RBM25: variants seen among roughly 807,000 people sequenced by gnomAD.
RBM25 encodes the protein RNA binding motif protein 25, also known as RNA-binding protein 25.
A neutral mutation model predicts 120.7 loss-of-function variants in RBM25; 19 were observed. The observed-to-expected ratio is 0.16, with a 90% CI of 0.11 to 0.23. The LOEUF (loss-of-function observed/expected upper bound fraction) is 0.23. Among genes scored for constraint, RBM25 ranks in the 10% least tolerant of loss-of-function variants. The pLI, the probability that RBM25 is intolerant of heterozygous loss-of-function variation, is 1.00. For synonymous variants in RBM25, 390 were observed against 326.7 expected (o/e 1.19, Z -2.09); for missense variants, 605 against 1,041.5 (o/e 0.58, Z 5.77).
chr14:73,062,788 A>C (rs997785461), intron 1 of RBM25, among the ~76,000 whole-genome samples: 2 of 151,256 alleles, frequency 1.3e-5, no homozygotes, highest in Non-Finnish European at 3.0e-5. Flanking sequence ...CCACCGCTAC[A>C]CTAGAGGTAG....
chr14:73,122,458 T>C lies in RBM25; in HGVS notation c.*2653T>C, dbSNP rs1464968543. ...CCTGGCTAATTTTTTGTATTTTTAG[T>C]AGAGACAGGATTTCACCTTGTTGGC... On this transcript the variant is annotated 3_prime_UTR_variant, in exon 19 of 19. Transcript: ENST00000261973. 1 of 152,060 alleles carries C rather than the reference T, an allele frequency of 6.6e-6. No individual in the cohort carries two copies. Among genetic ancestry groups the C allele is most frequent in the Admixed American group, 6.6e-5 (1 of 15,262 alleles). 9.4% of individuals were successfully genotyped at this position (152,060 alleles called of 1,614,324 possible).
chr14:73,114,686 G>C (rs973405785), intron 18 of RBM25, among the ~76,000 whole-genome samples: 11 of 152,182 alleles, frequency 7.2e-5, no homozygotes, highest in Admixed American at 6.5e-4. Context: ...ACAAGGTCAA[G>C]AGATCGAGAC....
In RBM25 at chr14:73,077,653, G is replaced by A. The variant is rs1594904320; in HGVS notation, c.324+117G>A. 11 of 922,468 alleles carry A rather than the reference G, an allele frequency of 1.2e-5. No individual in the cohort carries two copies. The East Asian group carries it at 2.4e-4, about 20-fold the overall frequency. 57.1% of individuals were successfully genotyped at this position (922,468 alleles called of 1,614,324 possible). On this transcript the variant is annotated intron_variant, in intron 4 of 18. Coordinates refer to ENST00000261973, the MANE Select transcript of RBM25 (RefSeq NM_021239.3). ...TATTTTAAAAAATTTCAGTCCTGCA[G>A]CAAAGGTGAAAAAGTACAGTGAACA... is the stretch of plus-strand genomic sequence containing the variant.
At chr14:73,078,628 GACAGATTTGCTCTGTC>G (rs903524676) in intron 4 of RBM25, among the ~76,000 whole-genome samples, 6 of 151,926 alleles carry the variant, frequency 3.9e-5, no homozygotes, top group African/African-American at 1.2e-4. Flanking sequence ...TTACTTTTGA[GACAGATTTGCTCTGTC>G]ACACAGGCTG....
At chr14:73,073,959 C>T (rs1895352444) in intron 2 of RBM25, among the ~76,000 whole-genome samples, 1 of 152,146 alleles carries the variant, frequency 6.6e-6, no homozygotes, top group African/African-American at 2.4e-5. Flanking sequence ...CTAAATTCTA[C>T]TGGAAGGCTC....
intron 18 of RBM25, among the ~76,000 whole-genome samples, chr14:73,119,106 A>G (rs1041285550): frequency 4.6e-5 from 7 of 152,064 alleles, no homozygotes; most frequent in Non-Finnish European, 1.0e-4. Context: ...CTCACACTGG[A>G]CAAATTTTCT....
rs1237977077 is a variant in RBM25 at position 73,121,335 on chromosome 14, C to G, written c.*1530C>G. ...TTGATCCTGGGGACTCATATTCTTTCAGAATCATGTAAATAAATGGCATCA... is the reference window on the plus strand; with the variant it reads ...TTGATCCTGGGGACTCATATTCTTTGAGAATCATGTAAATAAATGGCATCA... On this transcript the variant is annotated 3_prime_UTR_variant, in exon 19 of 19. Coordinates refer to ENST00000261973, the MANE Select transcript of RBM25 (RefSeq NM_021239.3). 1 of 152,304 alleles carries G rather than the reference C, an allele frequency of 6.6e-6. No individual in the cohort carries two copies. The highest frequency in any genetic ancestry group is 1.5e-5 in the Non-Finnish European group (1 of 68,002). The allele number at this position is 152,304 out of a possible 1,614,324, so 9.4% of individuals were successfully genotyped here.
intron 5 of RBM25, 77 bp from the exon 6 acceptor site, chr14:73,087,924 G>A: frequency 7.0e-7 from 1 of 1,427,522 alleles, no homozygotes; most frequent in South Asian, 1.3e-5. Context: ...TTGGACTCTA[G>A]TGATTCTACT....
chr14:73,108,083 G>A (rs548678893), intron 13 of RBM25, among the ~76,000 whole-genome samples, 184 bp downstream of exon 13: 2 of 152,208 alleles, frequency 1.3e-5, no homozygotes, highest in Non-Finnish European at 1.5e-5. Context: ...ATCAGAAAAG[G>A]ATAAACATTT....
intron 1 of RBM25, among the ~76,000 whole-genome samples, chr14:73,065,498 C>T (rs1895109164): frequency 6.6e-6 from 1 of 151,294 alleles, no homozygotes; most frequent in Non-Finnish European, 1.5e-5. Context: ...AGTCTTGGCT[C>T]ACTGCAACCC....
rs150988201 is a variant in RBM25 at position 73,105,898 on chromosome 14, AAG to A, written c.1210_1211del (p.Glu404ThrfsTer33). The A allele has an allele frequency of 0.011, 12,465 of 1,107,918 alleles. No homozygotes were observed. The highest frequency in any genetic ancestry group is 0.032 in the South Asian group (1,673 of 53,006). 68.6% of individuals were successfully genotyped at this position (1,107,918 alleles called of 1,614,324 possible). A position where few individuals can be genotyped will look rare whatever the true frequency, so the allele number is the denominator to read the frequency against. On this transcript the variant is annotated frameshift_variant, in exon 11 of 19. Coordinates refer to ENST00000261973, the MANE Select transcript of RBM25 (RefSeq NM_021239.3). LOFTEE classifies it high-confidence loss of function. Reference protein sequence around the residue: ...RDRERERERERERERERERER... With the variant: ...RDREREREREXERERERERER... ...ATCGTGAAAGGGAACGAGAGCGGGAAAGAGAGAGAGAGAGAGAACGAGAGCGA... is the reference window on the plus strand; with the variant it reads ...ATCGTGAAAGGGAACGAGAGCGGGAAAGAGAGAGAGAGAGAACGAGAGCGA...
chr14:73,116,064 A>G (rs1896420665), intron 18 of RBM25, among the ~76,000 whole-genome samples: 1 of 151,984 alleles, frequency 6.6e-6, no homozygotes, highest in Non-Finnish European at 1.5e-5. Flanking sequence ...ATGAACGTCC[A>G]TGGAGTTGTT....
Position 73,106,034 on chromosome 14 carries a change from A to C in RBM25, c.1330A>C (p.Arg444=). Residue 444 remains arginine (R), a synonymous_variant, in exon 11 of 19, where the codon AGA becomes CGA. Transcript: ENST00000261973. ...AGATGAAGAAGATGCATACGAACGA[A>C]GAAAACTTGAAAGAAAACTCCGAGA... is the stretch of plus-strand genomic sequence containing the variant. The part of the protein sequence containing the change: ...EEDEEDAYER[R]KLERKLREKE... 1 of 1,610,924 alleles carries C rather than the reference A, an allele frequency of 6.2e-7. No homozygotes were observed. Among genetic ancestry groups the C allele is most frequent in the African/African-American group, 1.3e-5 (1 of 74,500 alleles).
intron 12 of RBM25, 36 bp downstream of exon 12, chr14:73,106,321 TA>T (rs774996342): frequency 7.9e-6 from 12 of 1,514,696 alleles, no homozygotes; most frequent in Non-Finnish European, 1.1e-5. Flanking sequence ...ATTTTTCAGG[TA>T]AAAAGTCAGA....
chr14:73,083,632 A>C, intron 5 of RBM25, 81 bp downstream of exon 5: 63 of 982,012 alleles, frequency 6.4e-5, no homozygotes, highest in Middle Eastern at 2.4e-4. Context: ...CTTAACTCTC[A>C]TTGTCTTTAT....
intron 1 of RBM25, among the ~76,000 whole-genome samples, chr14:73,068,914 A>C (rs543580104): frequency 2.0e-4 from 31 of 151,810 alleles, no homozygotes; most frequent in Non-Finnish European, 3.7e-4. Flanking sequence ...CTTTATTTTT[A>C]TTTTTTATTT....
chr14:73,116,246 T>C (rs907235573), intron 18 of RBM25, among the ~76,000 whole-genome samples: 1 of 152,038 alleles, frequency 6.6e-6, no homozygotes, highest in African/African-American at 2.4e-5. Flanking sequence ...TAAAATGGAA[T>C]AGCGGTCCAA....
intron 1 of RBM25, among the ~76,000 whole-genome samples, chr14:73,069,317 TAAG>T (rs1895219462): frequency 6.6e-6 from 1 of 152,228 alleles, no homozygotes; most frequent in African/African-American, 2.4e-5. Context: ...AGAATGATAT[TAAG>T]AAGAGCACAG....
rs1321862849 is a variant in RBM25 at position 73,123,336 on chromosome 14, A to T, written c.*3531A>T. 1 of 152,134 alleles carries T rather than the reference A, an allele frequency of 6.6e-6. No homozygotes were observed. Among genetic ancestry groups the T allele is most frequent in the Non-Finnish European group, 1.5e-5 (1 of 68,006 alleles). The allele number at this position is 152,134 out of a possible 1,614,324, so 9.4% of individuals were successfully genotyped here. The stretch of plus-strand genomic sequence containing the variant: ...GGTATACAATGTTTAGATGAGGCTT[A>T]TTTTCCCAACTCTTTTTAACAGGTT... On this transcript the variant is annotated 3_prime_UTR_variant, in exon 19 of 19. Coordinates refer to ENST00000261973, the MANE Select transcript of RBM25 (RefSeq NM_021239.3).
Sources: gnomAD v4.1 joint callset for allele counts (sites outside exome capture counted in the v4.1 genomes callset) on GRCh38, gnomAD v4.1.1 for gene constraint, MANE v1.5 for transcripts, NCBI Gene and HGNC (gene_info 2026-07-23, HGNC 2026-07-21) for gene names.